SRPK2: variants seen among roughly 807,000 people sequenced by gnomAD.
SRPK2 encodes the protein SFRS protein kinase 2.
Under a neutral mutation model 90.8 loss-of-function variants are expected in SRPK2, and 21 were observed. The observed-to-expected ratio is 0.23, with a 90% CI of 0.16 to 0.33. SRPK2 has a LOEUF of 0.33. Ranked by LOEUF, SRPK2 falls within the 10% of genes least tolerant of loss-of-function variation. SRPK2 has a pLI of 1.00. For missense variants in SRPK2, 620 were observed against 869.0 expected, an observed-to-expected ratio of 0.71 and a Z score of 3.60; for synonymous variants, 288 against 311.1, an observed-to-expected ratio of 0.93 and a Z score of 0.78.
At chr7:105,360,540 C>T (rs1818308057) in intron 2 of SRPK2, among the ~76,000 whole-genome samples, 1 of 152,122 alleles carries the variant, frequency 6.6e-6, no homozygotes, top group African/African-American at 2.4e-5. Context: ...GTGCTTCCTT[C>T]AGGAGCTCTT....
intron 2 of SRPK2, among the ~76,000 whole-genome samples, chr7:105,351,582 C>A (rs1045448090): frequency 2.6e-5 from 4 of 151,952 alleles, no homozygotes; most frequent in Non-Finnish European, 4.4e-5. Flanking sequence ...GCAGGAGGAT[C>A]ACCTGAGGTC....
At chr7:105,137,124 G>C (rs952392476) in intron 11 of SRPK2, among the ~76,000 whole-genome samples, 16 of 152,198 alleles carry the variant, frequency 1.1e-4, no homozygotes, top group Non-Finnish European at 2.2e-4. Context: ...GAAAGTAAGA[G>C]AAGTTTGAGG....
chr7:105,190,599 G>A (rs1794157308), intron 3 of SRPK2, among the ~76,000 whole-genome samples: 1 of 152,068 alleles, frequency 6.6e-6, no homozygotes, highest in Non-Finnish European at 1.5e-5. Flanking sequence ...CTTCCCTTCT[G>A]ACATGAATCA....
chr7:105,329,641 G>A (rs1814039588), intron 2 of SRPK2, among the ~76,000 whole-genome samples: 1 of 151,608 alleles, frequency 6.6e-6, no homozygotes, highest in South Asian at 2.1e-4. Context: ...AAGAGCAGCA[G>A]AAGATGGGAA....
chr7:105,388,194 C>A (rs1821859007), intron 2 of SRPK2, among the ~76,000 whole-genome samples: 1 of 152,028 alleles, frequency 6.6e-6, no homozygotes, highest in Non-Finnish European at 1.5e-5. Flanking sequence ...CCCGCACACT[C>A]GGCCCCTCCG....
At chr7:105,139,707 A>T (rs1803420140) in intron 11 of SRPK2, among the ~76,000 whole-genome samples, 2 of 152,222 alleles carry the variant, frequency 1.3e-5, no homozygotes, top group Non-Finnish European at 2.9e-5. Flanking sequence ...GAAATTTTTC[A>T]ATATATTATT....
intron 2 of SRPK2, among the ~76,000 whole-genome samples, chr7:105,249,987 C>T (rs1010541463): frequency 6.6e-6 from 1 of 152,140 alleles, no homozygotes; most frequent in African/African-American, 2.4e-5. Flanking sequence ...ATGTGCCTCT[C>T]AAAGCATGAC....
intron 3 of SRPK2, among the ~76,000 whole-genome samples, chr7:105,180,278 T>C (rs1213285164): frequency 6.6e-6 from 1 of 152,194 alleles, no homozygotes; most frequent in East Asian, 1.9e-4. Context: ...GCCACACACC[T>C]ACAACCAGCT....
intron 11 of SRPK2, among the ~76,000 whole-genome samples, chr7:105,139,510 A>C (rs1272325225): frequency 6.6e-6 from 1 of 152,126 alleles, no homozygotes; most frequent in Non-Finnish European, 1.5e-5. Flanking sequence ...TTGGCAGGGA[A>C]AGTTGTATTC....
chr7:105,168,206 C>T, intron 4 of SRPK2, 111 bp from the exon 5 acceptor site: 1 of 847,760 alleles, frequency 1.2e-6, no homozygotes, highest in Non-Finnish European at 1.8e-6. Flanking sequence ...CAAAATGCGC[C>T]AAAACCTAAA....
chr7:105,200,110 T>C (rs1795365315), intron 3 of SRPK2, among the ~76,000 whole-genome samples: 2 of 152,136 alleles, frequency 1.3e-5, no homozygotes, highest in Non-Finnish European at 2.9e-5. Context: ...AAGACCAGCC[T>C]GGCCAACATG....
chr7:105,123,941 GC>G (rs1484295349), intron 15 of SRPK2, among the ~76,000 whole-genome samples: 1 of 152,216 alleles, frequency 6.6e-6, no homozygotes, highest in African/African-American at 2.4e-5. Context: ...GATGCCAAAT[GC>G]ATTTTAACTC....
intron 7 of SRPK2, among the ~76,000 whole-genome samples, chr7:105,159,322 C>T (rs1345761863): frequency 6.6e-6 from 1 of 151,654 alleles, no homozygotes; most frequent in African/African-American, 2.4e-5. Flanking sequence ...CCTGTCTCTA[C>T]TAAAAATACA....
intron 6 of SRPK2, among the ~76,000 whole-genome samples, chr7:105,163,266 A>G (rs1807963282): frequency 1.3e-5 from 2 of 152,318 alleles, no homozygotes; most frequent in Middle Eastern, 3.4e-3. Context: ...CAGTTTGAAA[A>G]AAGCCTCTAA....
At chr7:105,398,556 G>A (rs190576694) in intron 1 of SRPK2, among the ~76,000 whole-genome samples, 1 of 151,996 alleles carries the variant, frequency 6.6e-6, no homozygotes, top group Non-Finnish European at 1.5e-5. Flanking sequence ...GCTAATTTTT[G>A]TATTTTTAGT....
chr7:105,215,248 A>T (rs1035190116), intron 2 of SRPK2, among the ~76,000 whole-genome samples: 2 of 152,232 alleles, frequency 1.3e-5, no homozygotes, highest in African/African-American at 2.4e-5. Flanking sequence ...GGAAAGAGAC[A>T]CAACAATACT....
intron 2 of SRPK2, among the ~76,000 whole-genome samples, chr7:105,341,037 T>C (rs529118416): frequency 1.3e-5 from 2 of 152,030 alleles, no homozygotes; most frequent in South Asian, 2.1e-4. Context: ...GAAAAGGCAA[T>C]AGATTTATCT....
intron 2 of SRPK2, among the ~76,000 whole-genome samples, chr7:105,340,630 G>A (rs1487605200): frequency 1.3e-5 from 2 of 151,970 alleles, no homozygotes; most frequent in Non-Finnish European, 2.9e-5. Context: ...TTTTTGTAGA[G>A]ACTAGGTTTC....
chr7:105,173,466 C>T (rs1585048625), intron 3 of SRPK2, among the ~76,000 whole-genome samples: 1 of 152,176 alleles, frequency 6.6e-6, no homozygotes, highest in East Asian at 1.9e-4. Flanking sequence ...CAGGGCATCT[C>T]CTCTAACACC....
Sources: allele counts gnomAD v4.1 joint callset (sites outside exome capture counted in the v4.1 genomes callset), GRCh38; gene constraint gnomAD v4.1.1; transcripts MANE v1.5; gene names NCBI Gene and HGNC (gene_info 2026-07-23, HGNC 2026-07-21).